DNAH8: variants seen among roughly 807,000 people sequenced by gnomAD.
DNAH8 encodes the protein axonemal beta dynein heavy chain 8.
DNAH8 carries 382 observed loss-of-function variants against 562.1 expected under a neutral mutation model. The ratio of observed to expected loss-of-function variants is 0.68; its 90% CI spans 0.63 to 0.74. DNAH8 has a LOEUF of 0.74. Among genes scored for constraint, DNAH8 ranks in the 30% least tolerant of loss-of-function variants. The probability of loss-of-function intolerance (pLI) is 0.00; values close to 1 mark genes in which losing one functional copy is unlikely to be tolerated. For missense variants in DNAH8, 5,203 were observed against 5,620.4 expected (o/e 0.93, Z 2.37); for synonymous variants, 1,881 against 1,919.4 (o/e 0.98, Z 0.52).
intron 88 of DNAH8, among the ~76,000 whole-genome samples, chr6:38,994,065 G>A (rs1385265316): frequency 1.8e-5 from 1 of 55,840 alleles, no homozygotes; most frequent in African/African-American, 5.4e-5. Context: ...CTCATCAACA[G>A]AGCGCTGGTG....
At chr6:38,928,521 A>G (rs1314601002) in intron 74 of DNAH8, among the ~76,000 whole-genome samples, 1 of 152,174 alleles carries the variant, frequency 6.6e-6, no homozygotes, top group South Asian at 2.1e-4. Flanking sequence ...CAGGGAAACA[A>G]CTTCCTTCAT....
chr6:38,967,292 A>G (rs901719106), intron 82 of DNAH8, among the ~76,000 whole-genome samples: 1 of 151,978 alleles, frequency 6.6e-6, no homozygotes, highest in Admixed American at 6.6e-5. Flanking sequence ...GGGCAATCAG[A>G]CCAGGCAAAG....
At chr6:38,814,013 T>G in intron 24 of DNAH8, 41 bp from the exon 25 acceptor site, 1 of 1,380,820 alleles carries the variant, frequency 7.2e-7, no homozygotes. Context: ...CAATGAAATT[T>G]TAGGGTAAGG....
intron 79 of DNAH8, among the ~76,000 whole-genome samples, chr6:38,940,695 CA>C (rs1374950771): frequency 6.6e-6 from 1 of 152,180 alleles, no homozygotes; most frequent in African/African-American, 2.4e-5. Context: ...GCCAGACACA[CA>C]GCCACATCTC....
intron 31 of DNAH8, among the ~76,000 whole-genome samples, chr6:38,833,564 A>G (rs967509801): frequency 6.6e-6 from 1 of 152,236 alleles, no homozygotes; most frequent in Non-Finnish European, 1.5e-5. Flanking sequence ...ATAAATGCCT[A>G]TATTAGAAAC....
intron 87 of DNAH8, among the ~76,000 whole-genome samples, chr6:38,988,164 T>C (rs1764533412): frequency 6.6e-6 from 1 of 152,182 alleles, no homozygotes; most frequent in East Asian, 1.9e-4. Context: ...TTTTCTCTGT[T>C]CTCAGCATCT....
intron 29 of DNAH8, 35 bp downstream of exon 29, chr6:38,826,426 C>T: frequency 1.4e-6 from 2 of 1,415,726 alleles, no homozygotes; most frequent in Non-Finnish European, 2.0e-6. Context: ...TCTTGGAATG[C>T]TTTTTTGTTT....
intron 8 of DNAH8, among the ~76,000 whole-genome samples, chr6:38,746,053 T>C (rs1764900304): frequency 6.6e-6 from 1 of 152,244 alleles, no homozygotes; most frequent in African/African-American, 2.4e-5. Context: ...GGGTCTTGAC[T>C]GCGGCCGTCA....
At chr6:38,715,960 A>ATATTTTT (rs1372342002) in intron 1 of DNAH8, among the ~76,000 whole-genome samples, 1 of 23,628 alleles carries the variant, frequency 4.2e-5, no homozygotes, top group Non-Finnish European at 6.2e-5. Context: ...ATATATATAT[A>ATATTTTT]TTTTTTTTTT....
At chr6:38,867,197 G>T (rs958687122) in intron 47 of DNAH8, among the ~76,000 whole-genome samples, 1 of 150,990 alleles carries the variant, frequency 6.6e-6, no homozygotes, top group Non-Finnish European at 1.5e-5. Flanking sequence ...AGAGTTTAAG[G>T]TTTCATCAGT....
intron 8 of DNAH8, among the ~76,000 whole-genome samples, chr6:38,750,227 GC>G (rs1303003228): frequency 6.6e-6 from 1 of 152,196 alleles, no homozygotes; most frequent in African/African-American, 2.4e-5. Context: ...CCTGTTAGAA[GC>G]AGGTCCAGTT....
chr6:38,748,755 A>AAAT (rs57398991), intron 8 of DNAH8, among the ~76,000 whole-genome samples: 14,753 of 138,500 alleles, frequency 0.11, 831 homozygotes, highest in Non-Finnish European at 0.11. Context: ...CTCCGTCTCA[A>AAAT]AATAATAATA....
intron 21 of DNAH8, among the ~76,000 whole-genome samples, chr6:38,799,300 A>G (rs1770569644): frequency 1.3e-5 from 2 of 150,848 alleles, no homozygotes; most frequent in African/African-American, 2.4e-5. Flanking sequence ...AGGTCCTCCA[A>G]ATGGGCTGTT....
Position 38,845,753 on chromosome 6 carries a change from A to C in DNAH8, c.5025A>C (p.Leu1675Phe). The change falls in exon 36 of 93, where the codon TTA (leucine) becomes TTC (phenylalanine). Residue 1675 changes from leucine to phenylalanine, a missense_variant. Coordinates refer to ENST00000327475, the MANE Select transcript of DNAH8 (RefSeq NM_001206927.2). ...TGATGGAGGATAGTTTAATGGTCTTAGGGTCTTTACTCAGCAACAGGTAAT... is the reference window on the plus strand; with the variant it reads ...TGATGGAGGATAGTTTAATGGTCTTCGGGTCTTTACTCAGCAACAGGTAAT... The part of the protein sequence containing the change: ...ITLMEDSLMV[L>F]GSLLSNRYNA... 1 of 1,613,454 alleles carries C rather than the reference A, an allele frequency of 6.2e-7. No homozygotes were observed. Among genetic ancestry groups the C allele is most frequent in the Non-Finnish European group, 8.5e-7 (1 of 1,179,444 alleles).
intron 53 of DNAH8, among the ~76,000 whole-genome samples, chr6:38,880,544 T>G (rs1778395463): frequency 6.6e-6 from 1 of 152,104 alleles, no homozygotes; most frequent in Admixed American, 6.6e-5. Flanking sequence ...CATATATATC[T>G]GATAAAAAAA....
At chr6:38,946,393 G>A (rs1761430487) in intron 80 of DNAH8, among the ~76,000 whole-genome samples, 1 of 152,124 alleles carries the variant, frequency 6.6e-6, no homozygotes. Context: ...TACCTATTCA[G>A]CCTGGTTGGG....
chr6:38,954,715 A>T lies in DNAH8; in HGVS notation c.12451+3195A>T, dbSNP rs1257685136. Among the ~76,000 whole-genome samples the T allele has an allele frequency of 6.5e-3, 8 of 1,236 alleles. 4 individuals carry two copies. The African/African-American group carries it at 0.091, about 14-fold the overall frequency. The allele number at this position is 1,236 out of a possible 152,430, so 0.8% of individuals were successfully genotyped here. On this transcript the variant is annotated intron_variant, in intron 82 of 92. Coordinates refer to ENST00000327475, the MANE Select transcript of DNAH8 (RefSeq NM_001206927.2). ...GAAACTCCGTCTCAAAAAAAAAAAAAAAAAAAAAAAAAATAAATTACAGCA... is the reference window on the plus strand; with the variant it reads ...GAAACTCCGTCTCAAAAAAAAAAAATAAAAAAAAAAAAATAAATTACAGCA...
chr6:38,897,827 G>A (rs1268035566), intron 60 of DNAH8, among the ~76,000 whole-genome samples: 1 of 152,054 alleles, frequency 6.6e-6, no homozygotes, highest in African/African-American at 2.4e-5. Flanking sequence ...GAATTAGATG[G>A]GGAGGAACAA....
At chr6:38,998,361 G>A (rs1765275675) in intron 88 of DNAH8, among the ~76,000 whole-genome samples, 1 of 152,098 alleles carries the variant, frequency 6.6e-6, no homozygotes, top group Admixed American at 6.5e-5. Flanking sequence ...AGATTTATAA[G>A]GTACCAAAGA....
Sources: gnomAD v4.1 joint callset for allele counts (sites outside exome capture counted in the v4.1 genomes callset) on GRCh38, gnomAD v4.1.1 for gene constraint, MANE v1.5 for transcripts, NCBI Gene and HGNC (gene_info 2026-07-23, HGNC 2026-07-21) for gene names.